The following PRKCI variants were observed in gnomAD, a reference collection of about 807,000 sequenced individuals.
PRKCI encodes the protein protein kinase C iota.
PRKCI carries 43 observed loss-of-function variants against 84.0 expected under a neutral mutation model. The ratio of observed to expected loss-of-function variants is 0.51; its 90% CI spans 0.40 to 0.66. PRKCI has a LOEUF of 0.66. PRKCI is among the 30% of genes least tolerant of loss of function. The pLI, the probability that PRKCI is intolerant of heterozygous loss-of-function variation, is 0.00. For missense variants in PRKCI, 459 were observed against 745.6 expected (o/e 0.62, Z 4.48); for synonymous variants, 216 against 234.4 (o/e 0.92, Z 0.72).
At chr3:170,230,661 C>T (rs76750895) in intron 1 of PRKCI, among the ~76,000 whole-genome samples, 2,777 of 152,262 alleles carry the variant, frequency 0.018, 50 homozygotes, top group East Asian at 0.1. Context: ...ATTATCTTTT[C>T]AGTGAATCTG....
At chr3:170,301,521 T>C (rs1456017411) in intron 17 of PRKCI, among the ~76,000 whole-genome samples, 1 of 152,192 alleles carries the variant, frequency 6.6e-6, no homozygotes, top group African/African-American at 2.4e-5. Flanking sequence ...CCTTTTTTTT[T>C]AGTTACCTAA....
At chr3:170,259,767 C>T (rs1733677237) in intron 2 of PRKCI, among the ~76,000 whole-genome samples, 1 of 152,002 alleles carries the variant, frequency 6.6e-6, no homozygotes, top group East Asian at 1.9e-4. Context: ...GATCATGCCA[C>T]TGCACTCCAG....
At chr3:170,274,583 G>T (rs888213540) in intron 7 of PRKCI, among the ~76,000 whole-genome samples, 2 of 152,230 alleles carry the variant, frequency 1.3e-5, no homozygotes, top group African/African-American at 4.8e-5. Flanking sequence ...GGGAAATTTG[G>T]AGAGCAGTGC....
chr3:170,232,339 C>T lies in PRKCI; in HGVS notation c.102-2891C>T, dbSNP rs561370088. Among the ~76,000 whole-genome samples, 193 of 152,210 alleles carry T rather than the reference C, an allele frequency of 1.3e-3. 2 individuals are homozygous for T. Among genetic ancestry groups the T allele is most frequent in the African/African-American group, 3.9e-3 (164 of 41,550 alleles). ...GTGCTGGGATTATGGCATGAGCCACCTTGCCTGGCTGCACTCATTTATTTT... is the reference window on the plus strand; with the variant it reads ...GTGCTGGGATTATGGCATGAGCCACTTTGCCTGGCTGCACTCATTTATTTT... On this transcript the variant is annotated intron_variant, in intron 1 of 17. Transcript: ENST00000295797.
chr3:170,278,138 A>G (rs1375834333), intron 8 of PRKCI, among the ~76,000 whole-genome samples: 1 of 152,114 alleles, frequency 6.6e-6, no homozygotes, highest in Non-Finnish European at 1.5e-5. Flanking sequence ...TTTCACTGTT[A>G]AGTGGCGTCT....
chr3:170,301,766 C>T (rs998438574), intron 17 of PRKCI, among the ~76,000 whole-genome samples: 2 of 152,156 alleles, frequency 1.3e-5, no homozygotes, highest in Non-Finnish European at 2.9e-5. Flanking sequence ...ATCTTTACTC[C>T]TTCACTTTGC....
At chr3:170,289,883 G>T (rs1734499091) in intron 12 of PRKCI, among the ~76,000 whole-genome samples, 2 of 151,982 alleles carry the variant, frequency 1.3e-5, no homozygotes, top group South Asian at 4.2e-4. Context: ...TTGCACTCCA[G>T]CCTGGGTAAC....
Position 170,235,230 on chromosome 3 carries a change from G to A in PRKCI, c.102G>A (p.Gly34=). ...ACTGAAAACTCCTTTTCTTTTTCAG[G>A]GATATCATGATAACACATTTTGAAC... The part of the protein sequence containing the change: ...HQVRVKAYYR[G]DIMITHFEPS... The change falls in exon 2 of 18, where the codon GGG becomes GGA. Residue 34 remains glycine, a splice_region_variant and synonymous_variant. Transcript: ENST00000295797. The A allele has an allele frequency of 1.2e-6, 2 of 1,612,788 alleles. No homozygotes were observed. The highest frequency in any genetic ancestry group is 1.1e-5 in the South Asian group (1 of 91,002).
intron 2 of PRKCI, among the ~76,000 whole-genome samples, chr3:170,253,437 T>G (rs1041810199): frequency 6.6e-6 from 1 of 152,202 alleles, no homozygotes; most frequent in South Asian, 2.1e-4. Flanking sequence ...TCCCTGATGA[T>G]CAATGATGTT....
chr3:170,279,438 A>G (rs756089015), intron 8 of PRKCI, among the ~76,000 whole-genome samples: 30 of 151,864 alleles, frequency 2.0e-4, no homozygotes, highest in Non-Finnish European at 3.7e-4. Flanking sequence ...AAAATTTACT[A>G]TTTGCTTTTC....
chr3:170,243,909 G>T (rs1733200160), intron 2 of PRKCI, among the ~76,000 whole-genome samples: 1 of 152,146 alleles, frequency 6.6e-6, no homozygotes, highest in East Asian at 1.9e-4. Flanking sequence ...CTGGAGGCCT[G>T]GGAGAAAAAG....
chr3:170,238,660 C>T (rs1004684232), intron 2 of PRKCI, among the ~76,000 whole-genome samples: 1 of 149,018 alleles, frequency 6.7e-6, no homozygotes, highest in Non-Finnish European at 1.5e-5. Context: ...GTCTCGATCT[C>T]CGCCCACTGC....
rs549037425 is a variant in PRKCI, at chr3:170,268,916, A to AT, written c.450+926dup. ...TCAGTTATTCATTTATTATTTATTTATTTTTTTTTTATTTTAAAGACAGAG... is the reference window on the plus strand; with the variant it reads ...TCAGTTATTCATTTATTATTTATTTATTTTTTTTTTTATTTTAAAGACAGAG... On this transcript the variant is annotated intron_variant, in intron 5 of 17. Coordinates refer to ENST00000295797, the MANE Select transcript of PRKCI (RefSeq NM_002740.6). Among the ~76,000 whole-genome samples the AT allele has an allele frequency of 1.6e-4, 21 of 128,326 alleles. 1 individual carries two copies. The highest frequency in any genetic ancestry group is 6.9e-3 in the Middle Eastern group (2 of 290). The allele number at this position is 128,326 out of a possible 152,430, so 84.2% of individuals were successfully genotyped here.
At chr3:170,299,449 A>G (rs1734769119) in intron 17 of PRKCI, among the ~76,000 whole-genome samples, 1 of 151,496 alleles carries the variant, frequency 6.6e-6, no homozygotes, top group African/African-American at 2.4e-5. Flanking sequence ...CTGATCTTGA[A>G]CTCCAGACCT....
chr3:170,286,404 TC>T (rs1734391384), intron 12 of PRKCI, among the ~76,000 whole-genome samples: 1 of 150,004 alleles, frequency 6.7e-6, no homozygotes, highest in African/African-American at 2.5e-5. Flanking sequence ...AGGAGTCTTA[TC>T]CCCAAGAATA....
intron 2 of PRKCI, among the ~76,000 whole-genome samples, chr3:170,239,780 G>A (rs1733075551): frequency 6.6e-6 from 1 of 150,990 alleles, no homozygotes; most frequent in Admixed American, 6.6e-5. Context: ...AGCTCCATGA[G>A]AGCAGAGGTC....
At chr3:170,237,560 ATATAC>A in intron 2 of PRKCI, among the ~76,000 whole-genome samples, 1 of 152,280 alleles carries the variant, frequency 6.6e-6, no homozygotes, top group South Asian at 2.1e-4. Flanking sequence ...GATACCCTAA[ATATAC>A]TACTTTTTTT....
In PRKCI at chr3:170,234,031, C is replaced by CTTTTTTTT. The variant is rs386398519; in HGVS notation, c.102-1187_102-1180dup. ...CCACCACACCCAGCCTATACTTACACTTTTTTTTTTTTTTTTTTTGAGATG... is the reference window on the plus strand; with the variant it reads ...CCACCACACCCAGCCTATACTTACACTTTTTTTTTTTTTTTTTTTTTTTTTTTGAGATG... On this transcript the variant is annotated intron_variant, in intron 1 of 17. Coordinates refer to ENST00000295797, the MANE Select transcript of PRKCI (RefSeq NM_002740.6). 6.4e-5 allele frequency among the ~76,000 whole-genome samples: 6 copies of CTTTTTTTT among 93,356 alleles called. 2 individuals carry two copies. Among genetic ancestry groups the CTTTTTTTT allele is most frequent in the Non-Finnish European group, 7.8e-5 (4 of 51,104 alleles). 61.2% of individuals were successfully genotyped at this position (93,356 alleles called of 152,430 possible).
intron 2 of PRKCI, among the ~76,000 whole-genome samples, chr3:170,252,074 C>T (rs999995176): frequency 2.0e-5 from 3 of 151,886 alleles, no homozygotes; most frequent in African/African-American, 4.8e-5. Flanking sequence ...ATTAGCCAGG[C>T]GTGGCGGCGT....
Sources: allele counts gnomAD v4.1 joint callset (sites outside exome capture counted in the v4.1 genomes callset), GRCh38; gene constraint gnomAD v4.1.1; transcripts MANE v1.5; gene names NCBI Gene and HGNC (gene_info 2026-07-23, HGNC 2026-07-21).